MDGA2: variants seen among roughly 807,000 people sequenced by gnomAD.
MDGA2 encodes the protein MAM domain containing glycosylphosphatidylinositol anchor 2.
MDGA2 carries 40 observed loss-of-function variants against 117.8 expected under a neutral mutation model. That is an observed-to-expected ratio of 0.34 (90% CI 0.26 to 0.44). The LOEUF is 0.44. MDGA2 is among the 20% of genes least tolerant of loss of function. MDGA2 has a pLI of 1.00. For missense variants in MDGA2, 1,123 were observed against 1,250.6 expected (o/e 0.90, Z 1.54); for synonymous variants, 452 against 439.0 (o/e 1.03, Z -0.37).
At chr14:46,873,751 GC>G (rs1882109740) in intron 13 of MDGA2, among the ~76,000 whole-genome samples, 160 bp from the exon 14 acceptor site, 1 of 151,744 alleles carries the variant, frequency 6.6e-6, no homozygotes. Context: ...ACTAATAGTG[GC>G]TGTAACACAA....
intron 8 of MDGA2, among the ~76,000 whole-genome samples, chr14:47,002,780 AATG>A (rs2138496462): frequency 6.6e-6 from 1 of 152,272 alleles, no homozygotes; most frequent in African/African-American, 2.4e-5. Flanking sequence ...TTGATAAATT[AATG>A]ATATTTTTAG....
chr14:47,496,405 G>C (rs1256616172), intron 1 of MDGA2, among the ~76,000 whole-genome samples: 2 of 151,980 alleles, frequency 1.3e-5, no homozygotes, highest in African/African-American at 4.8e-5. Context: ...ACCAAGCCTG[G>C]CTAATTTTTA....
rs148048192 is a variant in MDGA2, at chr14:47,342,653, A to G, written c.281-41103T>C. Among the ~76,000 whole-genome samples, 425 of 152,286 alleles carry G rather than the reference A, an allele frequency of 2.8e-3. 3 individuals carry two copies. Among genetic ancestry groups the G allele is most frequent in the African/African-American group, 9.9e-3 (413 of 41,572 alleles). ...AAGAATTCCAGCACAGCATAGAAAT[A>G]ATGCGTAGTCTTGTGAAGATGTTGA... is the stretch of plus-strand genomic sequence containing the variant. On this transcript the variant is annotated intron_variant, in intron 1 of 16. Transcript: ENST00000399232.
intron 3 of MDGA2, among the ~76,000 whole-genome samples, chr14:47,177,425 G>A (rs1005076004): frequency 2.6e-5 from 4 of 152,118 alleles, no homozygotes; most frequent in Non-Finnish European, 5.9e-5. Context: ...TGATAGACTG[G>A]ATTAAGAAAA....
At chr14:47,139,474 A>C (rs981787404) in intron 4 of MDGA2, among the ~76,000 whole-genome samples, 1 of 151,962 alleles carries the variant, frequency 6.6e-6, no homozygotes, top group Non-Finnish European at 1.5e-5. Flanking sequence ...TTAGAGGAGA[A>C]GCCTTGCCTA....
At chr14:47,674,385 A>G in intron 1 of MDGA2, 132 bp downstream of exon 1, 1 of 757,664 alleles carries the variant, frequency 1.3e-6, no homozygotes, top group Non-Finnish European at 2.2e-6. Flanking sequence ...ATCGCTCCCA[A>G]TAACGTGATG....
intron 5 of MDGA2, among the ~76,000 whole-genome samples, chr14:47,111,680 G>A (rs565204131): frequency 1.3e-5 from 2 of 152,078 alleles, no homozygotes; most frequent in Admixed American, 6.6e-5. Flanking sequence ...AAGAGGTAAC[G>A]AGGAGAAATT....
chr14:46,947,403 A>C (rs968794743), intron 9 of MDGA2, among the ~76,000 whole-genome samples: 9 of 151,980 alleles, frequency 5.9e-5, no homozygotes, highest in Admixed American at 4.6e-4. Flanking sequence ...AGAGCATGTA[A>C]ATTTTCCCCC....
At chr14:47,474,872 T>C (rs1183349923) in intron 1 of MDGA2, among the ~76,000 whole-genome samples, 1 of 152,250 alleles carries the variant, frequency 6.6e-6, no homozygotes, top group Non-Finnish European at 1.5e-5. Flanking sequence ...CGCAAAACTA[T>C]AGAAACTCTA....
chr14:47,576,775 C>T (rs1318459902), intron 1 of MDGA2, among the ~76,000 whole-genome samples: 1 of 152,120 alleles, frequency 6.6e-6, no homozygotes, highest in African/African-American at 2.4e-5. Flanking sequence ...GTATCAGTGC[C>T]TTAGGAGGCA....
At chr14:46,969,378 T>A (rs112523706) in intron 8 of MDGA2, among the ~76,000 whole-genome samples, 17,962 of 152,150 alleles carry the variant, frequency 0.12, 2,022 homozygotes, top group African/African-American at 0.27. Context: ...AGTGTAAAAG[T>A]GTTCCTATTT....
chr14:46,924,000 CTA>C (rs1884230913), intron 9 of MDGA2, among the ~76,000 whole-genome samples: 1 of 151,976 alleles, frequency 6.6e-6, no homozygotes, highest in Non-Finnish European at 1.5e-5. Context: ...TATTCCTATA[CTA>C]TGTTGTTCCA....
At chr14:47,176,729 A>T (rs1258495241) in intron 3 of MDGA2, among the ~76,000 whole-genome samples, 10 of 152,216 alleles carry the variant, frequency 6.6e-5, no homozygotes, top group Admixed American at 6.5e-4. Flanking sequence ...ACCATTCAGG[A>T]CACAGGCATG....
chr14:47,602,088 T>C (rs754003494), intron 1 of MDGA2, among the ~76,000 whole-genome samples: 2 of 152,196 alleles, frequency 1.3e-5, no homozygotes, highest in Non-Finnish European at 2.9e-5. Flanking sequence ...AAAGCTCCTC[T>C]CGGGACTGAA....
chr14:46,930,980 G>C (rs1176785767), intron 9 of MDGA2, among the ~76,000 whole-genome samples: 2 of 152,056 alleles, frequency 1.3e-5, no homozygotes, highest in Admixed American at 1.3e-4. Flanking sequence ...GCTTTGGGAG[G>C]CCGAGGCGGG....
At chr14:47,343,297 T>C (rs766237095) in intron 1 of MDGA2, 44 of 1,116,506 alleles carry the variant, frequency 3.9e-5, no homozygotes, top group Non-Finnish European at 4.5e-5. Context: ...AACTAAGTTC[T>C]AAGTAGTAAT....
At chr14:47,249,365 G>A (rs61995431) in intron 2 of MDGA2, among the ~76,000 whole-genome samples, 53,416 of 151,528 alleles carry the variant, frequency 0.35, 9,830 homozygotes, top group Admixed American at 0.52. Context: ...TCTGTCACCC[G>A]GGCTGAAATG....
chr14:47,361,808 G>A (rs1156613018), intron 1 of MDGA2, among the ~76,000 whole-genome samples: 4 of 152,012 alleles, frequency 2.6e-5, no homozygotes, highest in African/African-American at 9.7e-5. Context: ...TTATGAGAAA[G>A]TTTTCACCAG....
chr14:46,879,092 C>T (rs752561805), intron 11 of MDGA2, among the ~76,000 whole-genome samples: 1 of 152,022 alleles, frequency 6.6e-6, no homozygotes, highest in Non-Finnish European at 1.5e-5. Flanking sequence ...ATGTCAATGC[C>T]TAATCCCCAA....
Sources: allele counts gnomAD v4.1 joint callset (sites outside exome capture counted in the v4.1 genomes callset), GRCh38; gene constraint gnomAD v4.1.1; transcripts MANE v1.5; gene names NCBI Gene and HGNC (gene_info 2026-07-23, HGNC 2026-07-21).